Variants in BCAS3 observed in about 807,000 individuals in gnomAD.
The protein encoded by BCAS3 is BCAS3 microtubule associated cell migration factor, also known as BCAS4/BCAS3 fusion.
A neutral mutation model predicts 116.1 loss-of-function variants in BCAS3; 53 were observed. The ratio of observed to expected loss-of-function variants is 0.46; its 90% CI spans 0.37 to 0.57. BCAS3 has a LOEUF of 0.57. BCAS3 is among the 20% of genes least tolerant of loss of function. The probability of loss-of-function intolerance (pLI) is 0.00; values close to 1 mark genes in which losing one functional copy is unlikely to be tolerated. For missense variants in BCAS3, 917 were observed against 1,165.4 expected (o/e 0.79, Z 3.10); for synonymous variants, 391 against 408.2 (o/e 0.96, Z 0.51).
chr17:60,998,916 G>A (rs568864472), intron 15 of BCAS3, among the ~76,000 whole-genome samples: 2 of 151,924 alleles, frequency 1.3e-5, no homozygotes, highest in East Asian at 3.9e-4. Context: ...AGTTTTTCCT[G>A]GGTTTTCTTC....
At chr17:60,853,967 C>G (rs1029039825) in intron 7 of BCAS3, among the ~76,000 whole-genome samples, 2 of 151,814 alleles carry the variant, frequency 1.3e-5, no homozygotes, top group Non-Finnish European at 2.9e-5. Context: ...TTGTTACATA[C>G]GTATACACAC....
At chr17:60,680,134 CAAA>C (rs11442352) in intron 2 of BCAS3, among the ~76,000 whole-genome samples, 4 of 108,380 alleles carry the variant, frequency 3.7e-5, no homozygotes, top group South Asian at 3.2e-4. Flanking sequence ...ACTCTGTCTC[CAAA>C]AAAAAAAAAA....
rs113207849 is a variant in BCAS3, at chr17:61,259,560, T to G, written c.2426-108767T>G. 4.8e-3 allele frequency among the ~76,000 whole-genome samples: 732 copies of G among 152,300 alleles called. 8 individuals carry two copies. Among genetic ancestry groups the G allele is most frequent in the African/African-American group, 0.017 (691 of 41,556 alleles). ...GTGAACTGCTACTCCAGAAAGCAAG[T>G]TGGTCAACAGAAGAATTTTAATGAA... is the stretch of plus-strand genomic sequence containing the variant. On this transcript the variant is annotated intron_variant, in intron 22 of 23. Transcript: ENST00000407086. The surrounding 1 kb of genome is among the most constrained non-coding windows in gnomAD (Gnocchi z 4.7).
intron 2 of BCAS3, among the ~76,000 whole-genome samples, chr17:60,681,496 A>C (rs1440006602): frequency 6.6e-6 from 1 of 151,530 alleles, no homozygotes; most frequent in African/African-American, 2.4e-5. Flanking sequence ...GCAAGACTTC[A>C]TTTCCAAAAA....
In BCAS3 at chr17:61,365,007, C is replaced by G. The variant is rs1421646711; in HGVS notation, c.2426-3320C>G. ...AACATATACATGAACACACCTATTA[C>G]ATACAGAACACTCACTGTGTGTCAG... On this transcript the variant is annotated intron_variant, in intron 22 of 23. Coordinates refer to ENST00000407086, the MANE Select transcript of BCAS3 (RefSeq NM_017679.5). This position sits in a 1 kb window ranked among gnomAD's most constrained non-coding sequence, Gnocchi z 4.6. Among the ~76,000 whole-genome samples the G allele has an allele frequency of 1.3e-5, 2 of 152,202 alleles. No individual in the cohort carries two copies. Among genetic ancestry groups the G allele is most frequent in the Non-Finnish European group, 2.9e-5 (2 of 68,034 alleles).
At position 61,368,915 on chromosome 17, in the gene BCAS3, G is replaced by A. The variant is rs759859166; in HGVS notation, c.2593+421G>A. On this transcript the variant is annotated intron_variant, in intron 23 of 23. Coordinates refer to ENST00000407086, the MANE Select transcript of BCAS3 (RefSeq NM_017679.5). This position sits in a 1 kb window ranked among gnomAD's most constrained non-coding sequence, Gnocchi z 6.0. ...GCGGAGTAAGCATGAAGCAGGCTGGGCTGGTTTCAGCCCCTACCAGCTTTT... is the reference window on the plus strand; with the variant it reads ...GCGGAGTAAGCATGAAGCAGGCTGGACTGGTTTCAGCCCCTACCAGCTTTT... Among the ~76,000 whole-genome samples the A allele has an allele frequency of 2.6e-5, 4 of 152,200 alleles. No homozygotes were observed. Among genetic ancestry groups the A allele is most frequent in the Non-Finnish European group, 4.4e-5 (3 of 68,036 alleles).
chr17:60,811,464 C>A, intron 7 of BCAS3: 1 of 563,364 alleles, frequency 1.8e-6, no homozygotes, highest in Non-Finnish European at 3.3e-6. Context: ...AGACATTAAG[C>A]CAGCAGAAGC....
chr17:60,720,926 C>T (rs1282479097), intron 5 of BCAS3, among the ~76,000 whole-genome samples: 1 of 152,116 alleles, frequency 6.6e-6, no homozygotes, highest in Admixed American at 6.6e-5. Context: ...TGCGGTACTT[C>T]AATGACCTAA....
At chr17:61,054,847 T>A (rs1190227761) in intron 19 of BCAS3, among the ~76,000 whole-genome samples, 1 of 152,198 alleles carries the variant, frequency 6.6e-6, no homozygotes. Flanking sequence ...AGAGTAAGCA[T>A]TTTTTCCACT....
chr17:60,738,362 A>C (rs764719554), intron 5 of BCAS3, among the ~76,000 whole-genome samples: 1 of 152,068 alleles, frequency 6.6e-6, no homozygotes. Context: ...TTTTTGCTTC[A>C]TGTATTTTGG....
chr17:60,970,011 C>T (rs2061867392), intron 14 of BCAS3, among the ~76,000 whole-genome samples: 1 of 152,166 alleles, frequency 6.6e-6, no homozygotes, highest in South Asian at 2.1e-4. Flanking sequence ...CACATAATAC[C>T]AGAAGCAAAC....
At chr17:61,153,609 A>T in intron 22 of BCAS3, among the ~76,000 whole-genome samples, 1 of 152,230 alleles carries the variant, frequency 6.6e-6, no homozygotes, top group East Asian at 1.9e-4. Flanking sequence ...CAGTTTCTTT[A>T]TCATCTGCTT....
At chr17:61,055,500 G>A (rs1196486042) in intron 19 of BCAS3, among the ~76,000 whole-genome samples, 1 of 152,148 alleles carries the variant, frequency 6.6e-6, no homozygotes, top group African/African-American at 2.4e-5. Context: ...CATACTCAGA[G>A]CACTGCATTA....
rs1451553824 is a variant in BCAS3 at position 61,144,136 on chromosome 17, TG to T, written c.2425+59573del. 6.6e-6 allele frequency among the ~76,000 whole-genome samples: 1 copy of T among 152,208 alleles called. No homozygotes were observed. Among genetic ancestry groups the T allele is most frequent in the Non-Finnish European group, 1.5e-5 (1 of 68,034 alleles). On this transcript the variant is annotated intron_variant, in intron 22 of 23. Transcript: ENST00000407086. The surrounding 1 kb of genome is among the most constrained non-coding windows in gnomAD (Gnocchi z 5.0). Reference sequence around the variant, plus strand: ...TCCTTTCTACTCTTTTTTTTGCCGTTGTCCCTATTTTTTGCCACTGGTAAAC... The same window carrying T: ...TCCTTTCTACTCTTTTTTTTGCCGTTTCCCTATTTTTTGCCACTGGTAAAC...
rs1029632386 is a variant in BCAS3 at position 61,200,523 on chromosome 17, G to A, written c.2425+115959G>A. 6.6e-6 allele frequency among the ~76,000 whole-genome samples: 1 copy of A among 152,210 alleles called. No individual in the cohort carries two copies. The highest frequency in any genetic ancestry group is 2.4e-5 in the African/African-American group (1 of 41,448). On this transcript the variant is annotated intron_variant, in intron 22 of 23. Transcript: ENST00000407086. This position sits in a 1 kb window ranked among gnomAD's most constrained non-coding sequence, Gnocchi z 5.1. ...GGCCGTATGGTAAATCAATGACCGA[G>A]CTGGTGTGGAATGTTAGCCTCCTGG...
Position 61,034,393 on chromosome 17 carries a change from G to A in BCAS3, c.1638-273G>A, listed in dbSNP as rs577292187. 3.3e-4 allele frequency among the ~76,000 whole-genome samples: 50 copies of A among 152,276 alleles called. No individual in the cohort carries two copies. Among genetic ancestry groups the A allele is most frequent in the African/African-American group, 1.1e-3 (47 of 41,556 alleles). On this transcript the variant is annotated intron_variant, in intron 16 of 23. Coordinates refer to ENST00000407086, the MANE Select transcript of BCAS3 (RefSeq NM_017679.5). The surrounding 1 kb of genome is among the most constrained non-coding windows in gnomAD (Gnocchi z 5.0). The stretch of plus-strand genomic sequence containing the variant: ...GGAAATGTTACTCATCTGAAAAGAG[G>A]TGACTTGGATTTTGCCAGCACATAC...
intron 6 of BCAS3, among the ~76,000 whole-genome samples, chr17:60,752,155 G>GGT (rs55713453): frequency 0.65 from 94,151 of 144,654 alleles, 34,174 homozygotes; most frequent in South Asian, 0.86. Context: ...TTGGCTGAAG[G>GGT]GTGTGTGTGT....
chr17:61,099,504 G>T (rs918505586), intron 22 of BCAS3, among the ~76,000 whole-genome samples: 1 of 152,158 alleles, frequency 6.6e-6, no homozygotes, highest in African/African-American at 2.4e-5. Flanking sequence ...CTTATGTTAT[G>T]ATCACTATTC....
chr17:60,853,396 T>C (rs2053355691), intron 7 of BCAS3, among the ~76,000 whole-genome samples: 1 of 152,244 alleles, frequency 6.6e-6, no homozygotes, highest in African/African-American at 2.4e-5. Context: ...ACATGGAAGC[T>C]TCTTTCAAAA....
Sources: allele counts gnomAD v4.1 joint callset (sites outside exome capture counted in the v4.1 genomes callset), GRCh38; gene constraint gnomAD v4.1.1; non-coding constraint Gnocchi (gnomAD v3.1); transcripts MANE v1.5; gene names NCBI Gene and HGNC (gene_info 2026-07-23, HGNC 2026-07-21).